PCDHGA10: variants seen among roughly 807,000 people sequenced by gnomAD.
PCDHGA10 encodes the protein protocadherin gamma-A10.
PCDHGA10 carries 42 observed loss-of-function variants against 59.5 expected under a neutral mutation model. The observed-to-expected ratio is 0.71, with a 90% CI of 0.55 to 0.91. The LOEUF (loss-of-function observed/expected upper bound fraction) is 0.91, where lower values mean the gene tolerates loss of function less well. PCDHGA10 is among the 40% of genes least tolerant of loss of function. PCDHGA10 has a pLI of 0.00. For missense variants in PCDHGA10, 1,111 were observed against 1,198.2 expected (o/e 0.93, Z 1.07); for synonymous variants, 511 against 517.2 (o/e 0.99, Z 0.16).
chr5:141,441,861 C>T (rs3805696), intron 1 of PCDHGA10: 35,405 of 342,650 alleles, frequency 0.1, 2,215 homozygotes, highest in African/African-American at 0.17. Context: ...TGCTGCACGC[C>T]GCGGAGCCTG....
Position 141,490,293 on chromosome 5 carries a change from A to G in PCDHGA10, c.2437-4514A>G, listed in dbSNP as rs1316965652. On this transcript the variant is annotated intron_variant, in intron 1 of 3. Transcript: ENST00000398610. The surrounding 1 kb of genome is among the most constrained non-coding windows in gnomAD (Gnocchi z 5.4). ...TCAATGACAATGCCCCAGAGGTGCTATTGGCCTCTTTGGCCAACCCTGTCC... is the reference window on the plus strand; with the variant it reads ...TCAATGACAATGCCCCAGAGGTGCTGTTGGCCTCTTTGGCCAACCCTGTCC... The G allele has an allele frequency of 1.2e-6, 2 of 1,614,190 alleles. No individual in the cohort carries two copies. The highest frequency in any genetic ancestry group is 8.5e-7 in the Non-Finnish European group (1 of 1,180,028).
At chr5:141,421,469 G>A in intron 1 of PCDHGA10, 1 of 1,614,122 alleles carries the variant, frequency 6.2e-7, no homozygotes, top group Non-Finnish European at 8.5e-7. Flanking sequence ...GTGAATCCGC[G>A]AAGCGGCAGC....
chr5:141,502,535 G>A (rs910160644), intron 2 of PCDHGA10, among the ~76,000 whole-genome samples: 14 of 152,172 alleles, frequency 9.2e-5, no homozygotes, highest in South Asian at 2.1e-4. Flanking sequence ...GAGTTTGTTC[G>A]TGTGGTAAAA....
In PCDHGA10 at chr5:141,457,491, A is replaced by G. The variant is rs1462989353; in HGVS notation, c.2437-37316A>G. Among the ~76,000 whole-genome samples, 9 of 152,368 alleles carry G rather than the reference A, an allele frequency of 5.9e-5. No individual in the cohort carries two copies. The East Asian group carries it at 1.5e-3, about 26-fold the overall frequency. On this transcript the variant is annotated intron_variant, in intron 1 of 3. Transcript: ENST00000398610. ...ATAAGCAGGGCCAGGGTTAGTCTAA[A>G]ATGTAGGCAAAAAGCTTAAAAACAA...
intron 1 of PCDHGA10, among the ~76,000 whole-genome samples, chr5:141,472,409 C>T (rs2099279484): frequency 6.6e-6 from 1 of 152,016 alleles, no homozygotes; most frequent in South Asian, 2.1e-4. Flanking sequence ...GGCGTGGTGG[C>T]ACGCACCTGT....
At position 141,491,518 on chromosome 5, in the gene PCDHGA10, A is replaced by G. The variant is rs756813813; in HGVS notation, c.2437-3289A>G. 3 of 1,613,990 alleles carry G rather than the reference A, an allele frequency of 1.9e-6. No individual in the cohort carries two copies. The highest frequency in any genetic ancestry group is 3.3e-5 in the Admixed American group (2 of 60,028). ...GAGCTCGGACGGCACGCTCAAGTAC[A>G]TGGAGGTGACGCTGCGGCCCACAGA... On this transcript the variant is annotated intron_variant, in intron 1 of 3. Transcript: ENST00000398610. This position sits in a 1 kb window ranked among gnomAD's most constrained non-coding sequence, Gnocchi z 6.9.
At chr5:141,450,297 G>A (rs1414677718) in intron 1 of PCDHGA10, among the ~76,000 whole-genome samples, 3 of 151,838 alleles carry the variant, frequency 2.0e-5, no homozygotes, top group Non-Finnish European at 4.4e-5. Context: ...ACAGGCGTGA[G>A]CCACCATGTG....
At chr5:141,430,811 A>G (rs1193066300) in intron 1 of PCDHGA10, 1 of 1,527,400 alleles carries the variant, frequency 6.5e-7, no homozygotes. Flanking sequence ...CCTGCTGGGA[A>G]TCCTCCTGGG....
chr5:141,462,668 T>C (rs778396861), intron 1 of PCDHGA10, among the ~76,000 whole-genome samples: 10 of 152,232 alleles, frequency 6.6e-5, no homozygotes, highest in Non-Finnish European at 1.5e-4. Flanking sequence ...CTTCATATTT[T>C]TCTTTAAATT....
chr5:141,430,404 A>C (rs1054341813), intron 1 of PCDHGA10, among the ~76,000 whole-genome samples: 1 of 152,000 alleles, frequency 6.6e-6, no homozygotes, highest in African/African-American at 2.4e-5. Context: ...AAAGCTCACT[A>C]AAGTTTCTAT....
chr5:141,432,797 T>C lies in PCDHGA10; in HGVS notation c.2436+17186T>C, dbSNP rs1591218426. On this transcript the variant is annotated intron_variant, in intron 1 of 3. Coordinates refer to ENST00000398610, the MANE Select transcript of PCDHGA10 (RefSeq NM_018913.3). The surrounding 1 kb of genome is among the most constrained non-coding windows in gnomAD (Gnocchi z 6.0). The stretch of plus-strand genomic sequence containing the variant: ...CCTGGCGGACCTCGGCAGCCTCGAG[T>C]CTCCAGCTAACTCTGAAACCTCAGA... 2.5e-6 allele frequency: 4 copies of C among 1,613,752 alleles called. No individual in the cohort carries two copies. The highest frequency in any genetic ancestry group is 2.7e-5 in the African/African-American group (2 of 74,816).
chr5:141,421,916 G>T (rs754653877), intron 1 of PCDHGA10: 1 of 1,613,528 alleles, frequency 6.2e-7, no homozygotes. Flanking sequence ...GTTCCCATTC[G>T]TGTGGTGGTC....
intron 1 of PCDHGA10, chr5:141,422,092 G>C: frequency 6.2e-7 from 1 of 1,611,520 alleles, no homozygotes; most frequent in Non-Finnish European, 8.5e-7. Flanking sequence ...GGAAAGCAAG[G>C]CTTCTGAAAT....
Position 141,490,325 on chromosome 5 carries a change from G to A in PCDHGA10, c.2437-4482G>A. 1 of 1,614,236 alleles carries A rather than the reference G, an allele frequency of 6.2e-7. No individual in the cohort carries two copies. Among genetic ancestry groups the A allele is most frequent in the Non-Finnish European group, 8.5e-7 (1 of 1,180,038 alleles). On this transcript the variant is annotated intron_variant, in intron 1 of 3. Transcript: ENST00000398610. This position sits in a 1 kb window ranked among gnomAD's most constrained non-coding sequence, Gnocchi z 5.4. ...TCTTTGGCCAACCCTGTCCTAGAGA[G>A]CACACCAGTGGGCACAGTAGTGGGG...
At chr5:141,460,616 T>C (rs905095529) in intron 1 of PCDHGA10, among the ~76,000 whole-genome samples, 8 of 152,114 alleles carry the variant, frequency 5.3e-5, no homozygotes, top group Non-Finnish European at 7.4e-5. Context: ...GATGGATAGA[T>C]AGACAGATAC....
rs1212833348 is a variant in PCDHGA10 at position 141,431,379 on chromosome 5, C to T, written c.2436+15768C>T. On this transcript the variant is annotated intron_variant, in intron 1 of 3. Transcript: ENST00000398610. The surrounding 1 kb of genome is among the most constrained non-coding windows in gnomAD (Gnocchi z 4.8). ...GCCCTGGACCGCGAAGAAAAGGCTG[C>T]TCACCACCTGGTCCTTACGGCCTCC... is the stretch of plus-strand genomic sequence containing the variant. 3 of 1,613,946 alleles carry T rather than the reference C, an allele frequency of 1.9e-6. No individual in the cohort carries two copies. Among genetic ancestry groups the T allele is most frequent in the Non-Finnish European group, 2.5e-6 (3 of 1,180,020 alleles).
chr5:141,471,254 T>A (rs1043647138), intron 1 of PCDHGA10: 1 of 151,828 alleles, frequency 6.6e-6, no homozygotes, highest in African/African-American at 2.4e-5. Flanking sequence ...TTTCACCATG[T>A]TGGCAAGGCT....
rs764363553 is a variant in PCDHGA10 at position 141,432,120 on chromosome 5, A to C, written c.2436+16509A>C. The C allele has an allele frequency of 1.2e-6, 2 of 1,613,978 alleles. No homozygotes were observed. Among genetic ancestry groups the C allele is most frequent in the African/African-American group, 2.7e-5 (2 of 74,894 alleles). ...AACGACAACCCGCCGGTCTTCCCTC[A>C]GGCCTCCTATTCCGCTTATATCCCA... On this transcript the variant is annotated intron_variant, in intron 1 of 3. Transcript: ENST00000398610. The surrounding 1 kb of genome is among the most constrained non-coding windows in gnomAD (Gnocchi z 6.0).
At position 141,490,753 on chromosome 5, in the gene PCDHGA10, T is replaced by C; in HGVS notation, c.2437-4054T>C. ...TCAGGTTCAGGGAGCCCCAGCCTCC[T>C]CCTTTGTGTATGTCAACCCAGAGGA... On this transcript the variant is annotated intron_variant, in intron 1 of 3. Transcript: ENST00000398610. This position sits in a 1 kb window ranked among gnomAD's most constrained non-coding sequence, Gnocchi z 5.4. 1 of 1,614,184 alleles carries C rather than the reference T, an allele frequency of 6.2e-7. No individual in the cohort carries two copies. The highest frequency in any genetic ancestry group is 8.5e-7 in the Non-Finnish European group (1 of 1,180,024).
Sources: allele counts gnomAD v4.1 joint callset (sites outside exome capture counted in the v4.1 genomes callset), GRCh38; gene constraint gnomAD v4.1.1; non-coding constraint Gnocchi (gnomAD v3.1); transcripts MANE v1.5; gene names NCBI Gene and HGNC (gene_info 2026-07-23, HGNC 2026-07-21).